Variants in WWOX observed in about 807,000 individuals in gnomAD.
WWOX encodes the protein WW domain-containing oxidoreductase.
Under a neutral mutation model 46.2 loss-of-function variants are expected in WWOX, and 69 were observed. That is an observed-to-expected ratio of 1.49 (90% CI 1.23 to 1.82). The LOEUF (loss-of-function observed/expected upper bound fraction) is 1.82. Ranked by LOEUF, WWOX falls within the 40% of genes most tolerant of loss-of-function variation. The pLI, the probability that WWOX is intolerant of heterozygous loss-of-function variation, is 0.00. For missense variants in WWOX, 919 were observed against 542.6 expected (o/e 1.69, Z -6.89); for synonymous variants, 359 against 202.6 (o/e 1.77, Z -6.56).
At position 78,588,731 on chromosome 16, in the gene WWOX, C is replaced by T. The variant is rs371184933; in HGVS notation, c.1056+155979C>T. ...CTGCTAAGAGTATGTCACTTATTGA[C>T]GTAGCATCACTTTATTGAGCAGCTA... On this transcript the variant is annotated intron_variant, in intron 8 of 8. Transcript: ENST00000566780. Among the ~76,000 whole-genome samples, 579 of 152,266 alleles carry T rather than the reference C, an allele frequency of 3.8e-3. 3 individuals carry two copies. The highest frequency in any genetic ancestry group is 6.1e-3 in the Non-Finnish European group (412 of 68,016).
rs1057421719 is a variant in WWOX at position 78,920,767 on chromosome 16, TTTCTC to T, written c.1057-290836_1057-290832del. Reference sequence around the variant, plus strand: ...ACCATTTCATCTGCAAAACACGACTTTTCTCTTCTTATTACGCTGAGCATGAAAAT... The same window carrying T: ...ACCATTTCATCTGCAAAACACGACTTTTCTTATTACGCTGAGCATGAAAAT... On this transcript the variant is annotated intron_variant, in intron 8 of 8. Transcript: ENST00000566780. Among the ~76,000 whole-genome samples, 38 of 152,284 alleles carry T rather than the reference TTTCTC, an allele frequency of 2.5e-4. 1 individual carries two copies. Among genetic ancestry groups the T allele is most frequent in the African/African-American group, 8.7e-4 (36 of 41,568 alleles).
intron 8 of WWOX, among the ~76,000 whole-genome samples, chr16:78,846,426 G>C (rs1027786639): frequency 6.6e-6 from 1 of 151,924 alleles, no homozygotes; most frequent in African/African-American, 2.4e-5. Context: ...AGTTTCTCAT[G>C]CATTATTTTT....
At chr16:79,025,452 C>T (rs1448486477) in intron 8 of WWOX, among the ~76,000 whole-genome samples, 1 of 152,092 alleles carries the variant, frequency 6.6e-6, no homozygotes, top group Non-Finnish European at 1.5e-5. Flanking sequence ...TCAGCAGAGA[C>T]AGAAGTGAAG....
chr16:78,311,876 TC>T (rs1298276941), intron 5 of WWOX, among the ~76,000 whole-genome samples: 2 of 152,186 alleles, frequency 1.3e-5, no homozygotes, highest in Admixed American at 1.3e-4. Flanking sequence ...TTCTTAAAGT[TC>T]TGGAGGTCAG....
At chr16:78,899,586 A>T (rs2044778051) in intron 8 of WWOX, 1 of 152,198 alleles carries the variant, frequency 6.6e-6, no homozygotes, top group Admixed American at 6.5e-5. Context: ...CTCATCCTGA[A>T]CAACGGGAAC....
chr16:78,909,204 T>C (rs373166175), intron 8 of WWOX, among the ~76,000 whole-genome samples: 132 of 152,340 alleles, frequency 8.7e-4, no homozygotes, highest in Non-Finnish European at 1.6e-3. Flanking sequence ...TTGCAAAGGC[T>C]GTTTTAATAA....
At chr16:78,765,677 T>A (rs2049910308) in intron 8 of WWOX, among the ~76,000 whole-genome samples, 1 of 150,834 alleles carries the variant, frequency 6.6e-6, no homozygotes, top group African/African-American at 2.4e-5. Flanking sequence ...AGACTCTGTC[T>A]AAAAAAAAAG....
At chr16:78,140,303 C>A (rs890030614) in intron 4 of WWOX, among the ~76,000 whole-genome samples, 2 of 152,092 alleles carry the variant, frequency 1.3e-5, no homozygotes, top group African/African-American at 4.8e-5. Flanking sequence ...TTAAAAGGCT[C>A]TCTGATGGGA....
intron 8 of WWOX, among the ~76,000 whole-genome samples, chr16:79,037,954 G>C (rs1029112039): frequency 5.9e-5 from 9 of 151,856 alleles, no homozygotes; most frequent in Non-Finnish European, 1.0e-4. Flanking sequence ...TTCTTTTCTG[G>C]TTCTGTTCCT....
chr16:78,702,936 C>T (rs991280503), intron 8 of WWOX, among the ~76,000 whole-genome samples: 2 of 152,128 alleles, frequency 1.3e-5, no homozygotes, highest in African/African-American at 2.4e-5. Context: ...TGGGAGCTCT[C>T]CTCCTTTTCC....
chr16:78,586,795 G>A lies in WWOX; in HGVS notation c.1056+154043G>A, dbSNP rs74990933. ...TCAGGAAGGTTAAGTAATGTGCCCA[G>A]TATCATCTATGTATAATTGATGGGT... On this transcript the variant is annotated intron_variant, in intron 8 of 8. Coordinates refer to ENST00000566780, the MANE Select transcript of WWOX (RefSeq NM_016373.4). 4.4e-3 allele frequency among the ~76,000 whole-genome samples: 663 copies of A among 152,210 alleles called. 7 individuals carry two copies. The highest frequency in any genetic ancestry group is 0.015 in the African/African-American group (637 of 41,540).
At chr16:78,457,199 G>A (rs2083840807) in intron 8 of WWOX, among the ~76,000 whole-genome samples, 1 of 152,268 alleles carries the variant, frequency 6.6e-6, no homozygotes, top group African/African-American at 2.4e-5. Context: ...GACCTTTCAG[G>A]AACCTTCCTG....
chr16:78,797,925 C>T (rs556876908), intron 8 of WWOX, among the ~76,000 whole-genome samples: 14 of 152,280 alleles, frequency 9.2e-5, no homozygotes, highest in South Asian at 6.2e-4. Context: ...GAGGTCAAGA[C>T]GGTAGTGAGT....
intron 8 of WWOX, among the ~76,000 whole-genome samples, chr16:78,826,942 C>G (rs1273199861): frequency 2.6e-5 from 4 of 152,182 alleles, no homozygotes; most frequent in Non-Finnish European, 5.9e-5. Flanking sequence ...CAAGCTATTA[C>G]ATTTTTTGAA....
chr16:78,739,647 C>G (rs2049169164), intron 8 of WWOX, among the ~76,000 whole-genome samples: 1 of 152,084 alleles, frequency 6.6e-6, no homozygotes, highest in South Asian at 2.1e-4. Flanking sequence ...CTCGTCTCTA[C>G]TGAAAACACA....
chr16:78,830,114 C>T lies in WWOX; in HGVS notation c.1057-381494C>T, dbSNP rs148636704. ...GACCCTCATCTCTATAAAAAATTTA[C>T]ATGAAAAAAAATAAACAAAATACTT... is the stretch of plus-strand genomic sequence containing the variant. On this transcript the variant is annotated intron_variant, in intron 8 of 8. Coordinates refer to ENST00000566780, the MANE Select transcript of WWOX (RefSeq NM_016373.4). 3.0e-4 allele frequency among the ~76,000 whole-genome samples: 45 copies of T among 151,760 alleles called. No homozygotes were observed. In the East Asian group the frequency reaches 8.0e-3, roughly 27 times the overall value.
chr16:78,188,090 C>G (rs762470706), intron 5 of WWOX, among the ~76,000 whole-genome samples: 12 of 152,266 alleles, frequency 7.9e-5, no homozygotes, highest in Non-Finnish European at 1.3e-4. Flanking sequence ...CTATAGTTTT[C>G]TAACTAGCTA....
intron 8 of WWOX, among the ~76,000 whole-genome samples, chr16:79,210,247 GACA>G (rs1486412878): frequency 1.3e-5 from 2 of 152,110 alleles, no homozygotes; most frequent in East Asian, 1.9e-4. Flanking sequence ...AAACAACAAT[GACA>G]ACAACAAACC....
chr16:79,165,880 C>T (rs73582752), intron 8 of WWOX, among the ~76,000 whole-genome samples: 2,926 of 152,322 alleles, frequency 0.019, 58 homozygotes, highest in African/African-American at 0.05. Flanking sequence ...ACCCGTCCCT[C>T]TTCTATTACC....
Sources: allele counts gnomAD v4.1 joint callset (sites outside exome capture counted in the v4.1 genomes callset), GRCh38; gene constraint gnomAD v4.1.1; transcripts MANE v1.5; gene names NCBI Gene and HGNC (gene_info 2026-07-23, HGNC 2026-07-21).